CDH20: variants seen among roughly 807,000 people sequenced by gnomAD.
CDH20 encodes cadherin-20.
Under a neutral mutation model 74.2 loss-of-function variants are expected in CDH20, and 29 were observed. The observed-to-expected ratio is 0.39, with a 90% CI of 0.29 to 0.53. The LOEUF is 0.53. Ranked by LOEUF, CDH20 falls within the 20% of genes least tolerant of loss-of-function variation. The pLI, the probability that CDH20 is intolerant of heterozygous loss-of-function variation, is 0.69. For synonymous variants in CDH20, 469 were observed against 405.4 expected (o/e 1.16, Z -1.88); for missense variants, 988 against 1,048.3 (o/e 0.94, Z 0.79).
chr18:61,417,977 C>G (rs1458551825), intron 1 of CDH20, among the ~76,000 whole-genome samples: 1 of 152,052 alleles, frequency 6.6e-6, no homozygotes, highest in Non-Finnish European at 1.5e-5. Flanking sequence ...AAATCTAAAA[C>G]AGTTGTCCTG....
At chr18:61,421,868 T>C (rs748569847) in intron 1 of CDH20, among the ~76,000 whole-genome samples, 1 of 152,082 alleles carries the variant, frequency 6.6e-6, no homozygotes, top group Non-Finnish European at 1.5e-5. Flanking sequence ...ACTGGAAAAA[T>C]TTTATTTGGT....
intron 2 of CDH20, among the ~76,000 whole-genome samples, chr18:61,497,386 G>A (rs907573124): frequency 6.6e-6 from 1 of 152,140 alleles, no homozygotes; most frequent in Non-Finnish European, 1.5e-5. Context: ...GCATTTGCAG[G>A]TGTTTTATTG....
chr18:61,528,227 C>T lies in CDH20; in HGVS notation c.1271+7C>T, dbSNP rs553525434. Reference sequence around the variant, plus strand: ...TGACCAACAACTCAATCAGGTTTTTCCACAGATTTCACCTTTTCCTTATAT... The same window carrying T: ...TGACCAACAACTCAATCAGGTTTTTTCACAGATTTCACCTTTTCCTTATAT... On this transcript the variant is annotated splice_region_variant and intron_variant, in intron 7 of 11. Transcript: ENST00000262717. 6.2e-7 allele frequency: 1 copy of T among 1,613,326 alleles called. No individual in the cohort carries two copies. Among genetic ancestry groups the T allele is most frequent in the East Asian group, 2.2e-5 (1 of 44,870 alleles).
At chr18:61,392,734 G>C (rs1335970725) in intron 1 of CDH20, among the ~76,000 whole-genome samples, 2 of 149,560 alleles carry the variant, frequency 1.3e-5, no homozygotes, top group Non-Finnish European at 2.9e-5. Context: ...TCTATTACTT[G>C]ACAGTTGGTA....
At chr18:61,371,804 C>T (rs1360452152) in intron 1 of CDH20, among the ~76,000 whole-genome samples, 2 of 75,912 alleles carry the variant, frequency 2.6e-5, no homozygotes, top group East Asian at 3.8e-3. Flanking sequence ...TCATTCATTA[C>T]GGTATAGGAA....
chr18:61,499,544 ATATG>A (rs1911289082), intron 3 of CDH20, 64 bp downstream of exon 3: 140 of 1,243,224 alleles, frequency 1.1e-4, no homozygotes, highest in Non-Finnish European at 1.4e-4. Context: ...ACACACACAC[ATATG>A]CACATGCACA....
intron 1 of CDH20, among the ~76,000 whole-genome samples, chr18:61,340,102 C>T (rs1909897504): frequency 6.6e-6 from 1 of 152,050 alleles, no homozygotes; most frequent in African/African-American, 2.4e-5. Flanking sequence ...ACTCTTAATA[C>T]ACTCCTACTT....
chr18:61,402,444 A>T (rs1320600058), intron 1 of CDH20, among the ~76,000 whole-genome samples: 1 of 152,202 alleles, frequency 6.6e-6, no homozygotes, highest in East Asian at 1.9e-4. Flanking sequence ...GGGGAAAAAA[A>T]AAGGAAATTG....
chr18:61,540,535 C>A (rs748418533), intron 9 of CDH20, among the ~76,000 whole-genome samples: 5 of 152,116 alleles, frequency 3.3e-5, no homozygotes, highest in Non-Finnish European at 7.4e-5. Context: ...AAAGGGAAAC[C>A]CCTTATAAAA....
chr18:61,439,582 CTG>C (rs1383975900), intron 1 of CDH20, among the ~76,000 whole-genome samples: 1 of 152,082 alleles, frequency 6.6e-6, no homozygotes, highest in African/African-American at 2.4e-5. Context: ...AATTTAGTCT[CTG>C]ATTTACCTGT....
intron 6 of CDH20, among the ~76,000 whole-genome samples, chr18:61,517,589 C>T (rs1912043396): frequency 1.3e-5 from 2 of 152,190 alleles, no homozygotes; most frequent in South Asian, 2.1e-4. Flanking sequence ...TCTTTGCAAC[C>T]AGCAGACCAG....
intron 1 of CDH20, among the ~76,000 whole-genome samples, chr18:61,361,860 G>A (rs886854147): frequency 2.6e-5 from 4 of 152,058 alleles, no homozygotes; most frequent in African/African-American, 9.7e-5. Flanking sequence ...AATGATACAA[G>A]ATGCCCTCAT....
At chr18:61,355,176 T>A (rs1323058018) in intron 1 of CDH20, among the ~76,000 whole-genome samples, 1 of 152,272 alleles carries the variant, frequency 6.6e-6, no homozygotes, top group Non-Finnish European at 1.5e-5. Context: ...TGTATTTATA[T>A]GATTATCATG....
chr18:61,347,663 G>A (rs1910175235), intron 1 of CDH20, among the ~76,000 whole-genome samples: 2 of 152,192 alleles, frequency 1.3e-5, no homozygotes, highest in African/African-American at 4.8e-5. Flanking sequence ...CACACAAAGT[G>A]ACTAGCTGTC....
chr18:61,489,641 AG>A (rs897660367), intron 1 of CDH20, among the ~76,000 whole-genome samples: 65 of 151,940 alleles, frequency 4.3e-4, no homozygotes, highest in African/African-American at 1.5e-3. Context: ...TCAAGAAAGG[AG>A]ATTTGTTGAC....
At chr18:61,490,063 T>G (rs1039909560) in intron 1 of CDH20, among the ~76,000 whole-genome samples, 4 of 152,192 alleles carry the variant, frequency 2.6e-5, no homozygotes, top group Non-Finnish European at 5.9e-5. Flanking sequence ...TTTAAGAGCC[T>G]GTCTGATCAT....
rs928181294 is a variant in CDH20, at chr18:61,371,805, G to A, written c.-153+37978G>A. 1.6e-4 allele frequency among the ~76,000 whole-genome samples: 12 copies of A among 74,406 alleles called. No individual in the cohort carries two copies. In the East Asian group the frequency reaches 0.053, roughly 330 times the overall value. The allele number at this position is 74,406 out of a possible 152,430, so 48.8% of individuals were successfully genotyped here. On this transcript the variant is annotated intron_variant, in intron 1 of 11. Coordinates refer to ENST00000262717, the MANE Select transcript of CDH20 (RefSeq NM_031891.4). Reference sequence around the variant, plus strand: ...TGGTCTTCCTTCTTTCATTCATTACGGTATAGGAAAATACATGCCGCACTG... The same window carrying A: ...TGGTCTTCCTTCTTTCATTCATTACAGTATAGGAAAATACATGCCGCACTG...
At chr18:61,449,557 T>C (rs534759507) in intron 1 of CDH20, among the ~76,000 whole-genome samples, 2 of 152,176 alleles carry the variant, frequency 1.3e-5, no homozygotes, top group African/African-American at 4.8e-5. Context: ...GAATAGGTGG[T>C]AGGGAACATG....
intron 1 of CDH20, among the ~76,000 whole-genome samples, chr18:61,452,987 T>C (rs914597803): frequency 1.1e-4 from 16 of 152,278 alleles, no homozygotes; most frequent in South Asian, 4.1e-4. Context: ...TATGAAGAAA[T>C]AATACAGTGA....
Sources: allele counts gnomAD v4.1 joint callset (sites outside exome capture counted in the v4.1 genomes callset), GRCh38; gene constraint gnomAD v4.1.1; transcripts MANE v1.5; gene names NCBI Gene and HGNC (gene_info 2026-07-23, HGNC 2026-07-21).